USB1: variants seen among roughly 807,000 people sequenced by gnomAD.
USB1 encodes the protein U6 snRNA biogenesis phosphodiesterase 1, also known as U6 snRNA phosphodiesterase 1.
Under a neutral mutation model 29.9 loss-of-function variants are expected in USB1, and 21 were observed. The ratio of observed to expected loss-of-function variants is 0.70; its 90% confidence interval spans 0.50 to 1.01. The LOEUF (loss-of-function observed/expected upper bound fraction) is 1.01, where lower values mean the gene tolerates loss of function less well. Among genes scored for constraint, USB1 ranks in the 50% least tolerant of loss-of-function variants. USB1 has a pLI of 0.00. For synonymous variants in USB1, 143 were observed against 134.9 expected, an observed-to-expected ratio of 1.06 and a Z score of -0.42; for missense variants, 330 against 347.1, an observed-to-expected ratio of 0.95 and a Z score of 0.39.
upstream of USB1, among the ~76,000 whole-genome samples, chr16:58,000,248 G>C (rs1255052825): frequency 1.3e-5 from 2 of 152,058 alleles, no homozygotes; most frequent in Non-Finnish European, 2.9e-5. The surrounding 1 kb of genome is among the most constrained non-coding windows in gnomAD (Gnocchi z 4.5). Flanking sequence ...GGAAGCGGCT[G>C]CGCCTCGAGG....
chr16:58,019,467 C>G (rs1963689960), intron 6 of USB1, among the ~76,000 whole-genome samples: 1 of 152,146 alleles, frequency 6.6e-6, no homozygotes, highest in African/African-American at 2.4e-5. Context: ...GTGAAATGTA[C>G]CAGGGGTAAG....
rs896021535 is a variant in USB1, at chr16:58,001,434, C to T, written c.-50C>T. ...TTCCGGCACAGCGGAACTCCGGGTG[C>T]CGGTTGAGGTTGCTGGTGGACCTGC... On this transcript the variant is annotated 5_prime_UTR_variant, in exon 1 of 7. Coordinates refer to ENST00000219281, the MANE Select transcript of USB1 (RefSeq NM_024598.4). The T allele has an allele frequency of 6.4e-7, 1 of 1,556,498 alleles. No homozygotes were observed.
intron 3 of USB1, chr16:58,012,350 C>T: frequency 1.3e-6 from 2 of 1,532,536 alleles, no homozygotes; most frequent in Non-Finnish European, 1.7e-6. Flanking sequence ...GAAGCCCAAC[C>T]CAAAGTGGCT....
In USB1 at chr16:58,013,024, T is replaced by C; in HGVS notation, c.450-1249T>C. 1 of 985,672 alleles carries C rather than the reference T, an allele frequency of 1.0e-6. No homozygotes were observed. The allele number at this position is 985,672 out of a possible 1,614,324, so 61.1% of individuals were successfully genotyped here. On this transcript the variant is annotated intron_variant, in intron 3 of 6. Transcript: ENST00000219281. The surrounding 1 kb of genome is among the most constrained non-coding windows in gnomAD (Gnocchi z 4.3). ...TGGTTCCCTCTGAGGAAAGGATCTG[T>C]GTCATGAGTGAAGCCCGGGCAGGTG...
chr16:58,007,993 T>A lies in USB1; in HGVS notation c.266-1936T>A, dbSNP rs1055032152. 5.9e-5 allele frequency among the ~76,000 whole-genome samples: 9 copies of A among 152,032 alleles called. No individual in the cohort carries two copies. In the South Asian group the frequency reaches 6.2e-4, roughly 11 times the overall value. On this transcript the variant is annotated intron_variant, in intron 2 of 6. Transcript: ENST00000219281. ...GTGAGACTCTGTCTCAAAAAAAAAA[T>A]AATAATAATTCAATTTGTTTAATAG...
In USB1 at chr16:58,014,307, A is replaced by G; in HGVS notation, c.484A>G (p.Thr162Ala). The G allele has an allele frequency of 6.2e-7, 1 of 1,613,868 alleles. No homozygotes were observed. Among genetic ancestry groups the G allele is most frequent in the Non-Finnish European group, 8.5e-7 (1 of 1,179,798 alleles). The change falls in exon 4 of 7, where the codon ACC (threonine) becomes GCC (alanine). Residue 162 changes from threonine (T) to alanine (A), a missense_variant. Physicochemically the swap from Thr to Ala is moderately conservative, Grantham distance 58. Coordinates refer to ENST00000219281, the MANE Select transcript of USB1 (RefSeq NM_024598.4). ...TACTGCCAACCAGGTAAAGATTTAC[A>G]CCAATCAAGAGAAAACCAGGTGGGT... is the stretch of plus-strand genomic sequence containing the variant. Reference protein sequence around the residue: ...FFTANQVKIYTNQEKTRTFIG... With the variant: ...FFTANQVKIYANQEKTRTFIG...
Position 58,013,218 on chromosome 16 carries a change from C to T in USB1, c.450-1055C>T. On this transcript the variant is annotated intron_variant, in intron 3 of 6. Transcript: ENST00000219281. This position sits in a 1 kb window ranked among gnomAD's most constrained non-coding sequence, Gnocchi z 4.3. The stretch of plus-strand genomic sequence containing the variant: ...GAGCCATCCTGCAACACGAGGTTAC[C>T]AGGAGAAGGAGTTTTGGTTGGGCAC... 1 of 985,414 alleles carries T rather than the reference C, an allele frequency of 1.0e-6. No individual in the cohort carries two copies. The highest frequency in any genetic ancestry group is 1.2e-6 in the Non-Finnish European group (1 of 829,976). The allele number at this position is 985,414 out of a possible 1,614,324, so 61.0% of individuals were successfully genotyped here. A position where few individuals can be genotyped will look rare whatever the true frequency, so the allele number is the denominator to read the frequency against.
upstream of USB1, chr16:58,001,281 C>T (rs1024958813): frequency 5.8e-5 from 38 of 657,540 alleles, 1 homozygote; most frequent in Middle Eastern, 4.0e-4. Context: ...GTGACCAGAT[C>T]CGCGTGCGCA....
chr16:58,017,028 A>C, intron 4 of USB1: 6 of 405,068 alleles, frequency 1.5e-5, no homozygotes, highest in Non-Finnish European at 2.3e-5. Flanking sequence ...ATGATGGAGA[A>C]TGGGGGTGCA....
Position 58,020,208 on chromosome 16 carries a change from A to G in USB1, c.761A>G (p.Lys254Arg). Residue 254 changes from lysine to arginine, a missense_variant, in exon 7 of 7, where the codon AAG (lysine) becomes AGG (arginine). Coordinates refer to ENST00000219281, the MANE Select transcript of USB1 (RefSeq NM_024598.4). ...GTGCACACTGAGCAAGTCCGCTGCAAGTCTGGGAACAAGTTCTTCTCGATG... is the reference window on the plus strand; with the variant it reads ...GTGCACACTGAGCAAGTCCGCTGCAGGTCTGGGAACAAGTTCTTCTCGATG... ...LRVHTEQVRC[K>R]SGNKFFSMPL... 6.2e-7 allele frequency: 1 copy of G among 1,614,166 alleles called. No homozygotes were observed. The highest frequency in any genetic ancestry group is 8.5e-7 in the Non-Finnish European group (1 of 1,180,026).
intron 4 of USB1, among the ~76,000 whole-genome samples, chr16:58,014,552 G>T (rs1462420097): frequency 6.6e-6 from 1 of 152,236 alleles, no homozygotes; most frequent in Non-Finnish European, 1.5e-5. Context: ...GGAGGCTGAA[G>T]CAGGTGGATA....
At chr16:58,012,003 A>G (rs1963507518) in intron 3 of USB1, 1 of 1,139,302 alleles carries the variant, frequency 8.8e-7, no homozygotes, top group Non-Finnish European at 1.1e-6. Flanking sequence ...CTTTTTTCAA[A>G]TGAGGTGTTG....
intron 6 of USB1, among the ~76,000 whole-genome samples, chr16:58,019,858 G>A (rs1963697514): frequency 6.6e-6 from 1 of 152,170 alleles, no homozygotes; most frequent in African/African-American, 2.4e-5. Context: ...GTGGCAAAGA[G>A]CTCTAGTTTG....
intron 3 of USB1, chr16:58,011,508 G>A: frequency 9.9e-7 from 1 of 1,012,812 alleles, no homozygotes; most frequent in Non-Finnish European, 1.2e-6. Context: ...CTCCCGGTTG[G>A]CATATCCTGC....
intron 2 of USB1, among the ~76,000 whole-genome samples, chr16:58,009,221 G>A (rs903777040): frequency 6.6e-6 from 1 of 152,212 alleles, no homozygotes; most frequent in African/African-American, 2.4e-5. Flanking sequence ...CTGTGATTGG[G>A]TGTCAATCTT....
At chr16:58,018,429 G>A (rs1195937125) in intron 5 of USB1, among the ~76,000 whole-genome samples, 1 of 152,012 alleles carries the variant, frequency 6.6e-6, no homozygotes, top group Non-Finnish European at 1.5e-5. Flanking sequence ...TCACCATGTT[G>A]GCCAGGCTGG....
chr16:58,019,040 C>T lies in USB1; in HGVS notation c.678C>T (p.Cys226=). 1.2e-6 allele frequency: 2 copies of T among 1,614,162 alleles called. No homozygotes were observed. The highest frequency in any genetic ancestry group is 1.7e-6 in the Non-Finnish European group (2 of 1,180,022). The change falls in exon 6 of 7, where the codon TGC becomes TGT. Residue 226 remains cysteine (C), a synonymous_variant. Transcript: ENST00000219281. ...GDARLQLEGQ[C]LQELQAIVDG... ...CACGTCTCCAGCTGGAGGGGCAGTG[C>T]CTGCAGGAACTACAGGTGAATTTCC...
At chr16:58,002,752 C>A in intron 2 of USB1, 107 bp downstream of exon 2, 1 of 1,455,992 alleles carries the variant, frequency 6.9e-7, no homozygotes, top group Non-Finnish European at 9.4e-7. Flanking sequence ...AAACCTCTAA[C>A]ACTGGTGGTG....
rs1323051521 is a variant in USB1 at position 58,020,646 on chromosome 16, T to A, written c.*401T>A. 16 of 298,228 alleles carry A rather than the reference T, an allele frequency of 5.4e-5. No individual in the cohort carries two copies. The highest frequency in any genetic ancestry group is 3.7e-4 in the African/African-American group (16 of 43,250). The allele number at this position is 298,228 out of a possible 1,614,324, so 18.5% of individuals were successfully genotyped here. On this transcript the variant is annotated 3_prime_UTR_variant, in exon 7 of 7. Transcript: ENST00000219281. ...CCTCTCTCTTCCTCTCCTCTCTCTCTTCCTCTCCTCTCTCTTCCCTTCCTG... is the reference window on the plus strand; with the variant it reads ...CCTCTCTCTTCCTCTCCTCTCTCTCATCCTCTCCTCTCTCTTCCCTTCCTG...
Sources: gnomAD v4.1 joint callset for allele counts (sites outside exome capture counted in the v4.1 genomes callset) on GRCh38, gnomAD v4.1.1 for gene constraint, Gnocchi (gnomAD v3.1) non-coding constraint, MANE v1.5 for transcripts, NCBI Gene and HGNC (gene_info 2026-07-23, HGNC 2026-07-21) for gene names.